Variants in PTPRK observed in about 807,000 individuals in gnomAD.
PTPRK encodes receptor-type tyrosine-protein phosphatase kappa.
A neutral mutation model predicts 178.0 loss-of-function variants in PTPRK; 75 were observed. The observed-to-expected ratio is 0.42, with a 90% CI of 0.35 to 0.51. PTPRK has a LOEUF of 0.51. Among genes scored for constraint, PTPRK ranks in the 20% least tolerant of loss-of-function variants. PTPRK has a pLI of 0.02. For missense variants in PTPRK, 1,441 were observed against 1,797.8 expected (o/e 0.80, Z 3.59); for synonymous variants, 637 against 620.6 (o/e 1.03, Z -0.39).
At chr6:128,103,147 G>T (rs920535779) in intron 7 of PTPRK, among the ~76,000 whole-genome samples, 10 of 152,238 alleles carry the variant, frequency 6.6e-5, no homozygotes, top group Non-Finnish European at 1.3e-4. Context: ...AAGACAAGGA[G>T]TGTCTAAATG....
At chr6:128,209,746 A>G (rs1420797422) in intron 6 of PTPRK, among the ~76,000 whole-genome samples, 3 of 152,154 alleles carry the variant, frequency 2.0e-5, no homozygotes, top group African/African-American at 7.2e-5. Context: ...GAATGCAGTT[A>G]TATTTTGAAG....
intron 7 of PTPRK, among the ~76,000 whole-genome samples, chr6:128,150,166 A>G (rs1490173631): frequency 1.3e-5 from 2 of 152,076 alleles, no homozygotes; most frequent in African/African-American, 2.4e-5. Context: ...ATAGCAGTAA[A>G]CCAGACTCAA....
chr6:128,510,081 T>A (rs560847888), intron 1 of PTPRK, among the ~76,000 whole-genome samples: 1 of 152,164 alleles, frequency 6.6e-6, no homozygotes, highest in Non-Finnish European at 1.5e-5. Context: ...TTTATGATAA[T>A]AGACAAAAGT....
intron 13 of PTPRK, among the ~76,000 whole-genome samples, chr6:128,031,401 T>C (rs939921666): frequency 1.3e-5 from 2 of 152,192 alleles, no homozygotes; most frequent in Admixed American, 6.6e-5. Context: ...AAATGTTCAA[T>C]AATGATACAA....
chr6:128,273,143 G>A (rs552399789), intron 3 of PTPRK, among the ~76,000 whole-genome samples: 1 of 151,998 alleles, frequency 6.6e-6, no homozygotes, highest in African/African-American at 2.4e-5. Context: ...TCATAGGTAG[G>A]AATTGAACAA....
chr6:128,055,739 A>G (rs142784967), intron 13 of PTPRK, among the ~76,000 whole-genome samples: 98 of 152,198 alleles, frequency 6.4e-4, no homozygotes, highest in African/African-American at 2.1e-3. Flanking sequence ...AATTGTGACT[A>G]TAAGTGTGTG....
chr6:128,309,510 G>A (rs35962787), intron 3 of PTPRK, among the ~76,000 whole-genome samples: 8,069 of 152,190 alleles, frequency 0.053, 304 homozygotes, highest in Middle Eastern at 0.15. Flanking sequence ...ACAAGGCAAT[G>A]GCTATGCTGA....
chr6:128,114,482 T>C (rs1409683253), intron 7 of PTPRK, among the ~76,000 whole-genome samples: 1 of 151,342 alleles, frequency 6.6e-6, no homozygotes, highest in Non-Finnish European at 1.5e-5. Context: ...TAGCCAAACA[T>C]GTTGGCATGC....
At chr6:128,252,627 C>T (rs1583710123) in intron 3 of PTPRK, among the ~76,000 whole-genome samples, 1 of 152,062 alleles carries the variant, frequency 6.6e-6, no homozygotes, top group African/African-American at 2.4e-5. Context: ...TATATACTTG[C>T]TTTCTCAAGA....
At chr6:127,996,344 A>C (rs150794599) in intron 17 of PTPRK, among the ~76,000 whole-genome samples, 403 of 152,230 alleles carry the variant, frequency 2.6e-3, no homozygotes, top group African/African-American at 9.3e-3. Flanking sequence ...GTAATACCCC[A>C]TGCATTTATG....
At chr6:128,105,828 T>C (rs1789633882) in intron 7 of PTPRK, among the ~76,000 whole-genome samples, 1 of 152,188 alleles carries the variant, frequency 6.6e-6, no homozygotes, top group African/African-American at 2.4e-5. Flanking sequence ...GTCATTACCA[T>C]TTACCTTGAG....
chr6:128,176,590 T>C (rs1801114592), intron 7 of PTPRK, among the ~76,000 whole-genome samples: 1 of 151,860 alleles, frequency 6.6e-6, no homozygotes, highest in Non-Finnish European at 1.5e-5. Flanking sequence ...CAAAGTTTAC[T>C]ATAAATAAGA....
At chr6:128,120,780 T>A (rs1792331433) in intron 7 of PTPRK, among the ~76,000 whole-genome samples, 1 of 151,924 alleles carries the variant, frequency 6.6e-6, no homozygotes. Flanking sequence ...ATGTACTTAA[T>A]TTCAATTGTT....
rs866673100 is a variant in PTPRK, at chr6:128,463,745, T to G, written c.100+56514A>C. Among the ~76,000 whole-genome samples the G allele has an allele frequency of 9.8e-3, 1,279 of 130,312 alleles. 12 individuals are homozygous for G. The highest frequency in any genetic ancestry group is 0.016 in the Admixed American group (215 of 13,322). The allele number at this position is 130,312 out of a possible 152,430, so 85.5% of individuals were successfully genotyped here. The stretch of plus-strand genomic sequence containing the variant: ...CTATAAAAGTCAATCTTCACGGTTT[T>G]TTTTTTTTTTTTTTTTTTTTTTTGA... On this transcript the variant is annotated intron_variant, in intron 1 of 29. Coordinates refer to ENST00000368226, the MANE Select transcript of PTPRK (RefSeq NM_002844.4).
At chr6:128,292,640 C>T (rs1053103060) in intron 3 of PTPRK, among the ~76,000 whole-genome samples, 2 of 152,040 alleles carry the variant, frequency 1.3e-5, no homozygotes, top group South Asian at 2.1e-4. Context: ...GACCTTCCTC[C>T]TCTTTTCCTA....
chr6:128,077,510 A>G (rs1784052770), intron 11 of PTPRK, among the ~76,000 whole-genome samples: 1 of 151,294 alleles, frequency 6.6e-6, no homozygotes, highest in Admixed American at 6.6e-5. Context: ...ATTTCCAGTG[A>G]TCTAGGATTA....
intron 14 of PTPRK, among the ~76,000 whole-genome samples, chr6:128,008,716 A>G (rs72975936): frequency 0.11 from 16,116 of 151,164 alleles, 1,092 homozygotes; most frequent in Non-Finnish European, 0.15. Flanking sequence ...TATTCTTCTC[A>G]TATCTTATTT....
chr6:128,278,105 T>C (rs996444505), intron 3 of PTPRK, among the ~76,000 whole-genome samples: 2 of 151,690 alleles, frequency 1.3e-5, no homozygotes, highest in Admixed American at 1.3e-4. Flanking sequence ...AAGGAAACAA[T>C]GCAGGTGTTT....
At chr6:128,446,161 A>G (rs1846996868) in intron 1 of PTPRK, among the ~76,000 whole-genome samples, 1 of 152,248 alleles carries the variant, frequency 6.6e-6, no homozygotes, top group South Asian at 2.1e-4. Context: ...CGATTTCCAG[A>G]TAAACAAGAG....
Sources: allele counts gnomAD v4.1 joint callset (sites outside exome capture counted in the v4.1 genomes callset), GRCh38; gene constraint gnomAD v4.1.1; transcripts MANE v1.5; gene names NCBI Gene and HGNC (gene_info 2026-07-23, HGNC 2026-07-21).